ENTREP2: variants seen among roughly 807,000 people sequenced by gnomAD.
The protein encoded by ENTREP2 is protein ENTREP2.
the ENTREP2 span, among the ~76,000 whole-genome samples, chr15:29,311,686 TC>T: frequency 3.0e-4 from 45 of 148,764 alleles, no homozygotes; most frequent in Admixed American, 6.1e-4. Flanking sequence ...TGAGACTCCA[TC>T]CCCCCCCCAA....
chr15:29,152,867 T>C, the ENTREP2 span, among the ~76,000 whole-genome samples: 1 of 152,236 alleles, frequency 6.6e-6, no homozygotes, highest in South Asian at 2.1e-4. Flanking sequence ...ACTGAAAAAA[T>C]GCCTTCCAGA....
chr15:29,359,555 G>A, the ENTREP2 span, among the ~76,000 whole-genome samples: 1 of 152,166 alleles, frequency 6.6e-6, no homozygotes. Flanking sequence ...TGGGAATAGG[G>A]GCATGCACCA....
the ENTREP2 span, among the ~76,000 whole-genome samples, chr15:29,222,790 T>G: frequency 6.6e-6 from 1 of 152,318 alleles, no homozygotes; most frequent in South Asian, 2.1e-4. Flanking sequence ...AATTACTCTA[T>G]TTACAGACAA....
At chr15:29,605,764 G>A in the ENTREP2 span, among the ~76,000 whole-genome samples, 5 of 152,270 alleles carry the variant, frequency 3.3e-5, no homozygotes, top group Non-Finnish European at 5.9e-5. Context: ...TTGAACCTGG[G>A]AGGCAGAGGT....
At chr15:29,486,690 A>AAAAC in the ENTREP2 span, among the ~76,000 whole-genome samples, 2,037 of 152,290 alleles carry the variant, frequency 0.013, 48 homozygotes, top group African/African-American at 0.047. Flanking sequence ...ACTCTGCCTC[A>AAAAC]AAACAAACAA....
At chr15:29,624,907 GTA>G in the ENTREP2 span, among the ~76,000 whole-genome samples, 116 of 146,194 alleles carry the variant, frequency 7.9e-4, no homozygotes, top group Non-Finnish European at 1.5e-3. Context: ...GTGTGTGTGT[GTA>G]TAGTTTTATG....
chr15:29,407,601 G>T, the ENTREP2 span, among the ~76,000 whole-genome samples: 2 of 152,162 alleles, frequency 1.3e-5, no homozygotes, highest in Admixed American at 6.5e-5. Flanking sequence ...GCACAGCCAG[G>T]TAAGGAGGGA....
At chr15:29,375,550 C>T in the ENTREP2 span, 1 of 152,328 alleles carries the variant, frequency 6.6e-6, no homozygotes, top group African/African-American at 2.4e-5. Context: ...GAAACCTTCT[C>T]ACAACAGGAG....
the ENTREP2 span, among the ~76,000 whole-genome samples, chr15:29,601,992 G>C: frequency 3.9e-5 from 6 of 152,352 alleles, no homozygotes; most frequent in East Asian, 1.2e-3. Context: ...AGCCCCATTT[G>C]TGCTCCATGC....
chr15:29,392,412 G>A, the ENTREP2 span, among the ~76,000 whole-genome samples: 3 of 132,560 alleles, frequency 2.3e-5, no homozygotes, highest in African/African-American at 5.9e-5. Flanking sequence ...ATAAACTCCC[G>A]TTTTTGGTTT....
chr15:29,177,272 A>C, the ENTREP2 span, among the ~76,000 whole-genome samples: 2 of 152,180 alleles, frequency 1.3e-5, no homozygotes, highest in Non-Finnish European at 2.9e-5. Flanking sequence ...GCTGGCAAAA[A>C]AGCAACTGTA....
At chr15:29,234,068 C>T in the ENTREP2 span, 1 of 1,473,330 alleles carries the variant, frequency 6.8e-7, no homozygotes, top group Non-Finnish European at 9.5e-7. Context: ...TGCAACCTCA[C>T]TTGCTTCTTC....
the ENTREP2 span, among the ~76,000 whole-genome samples, chr15:29,649,727 C>CAAAAAAAAAAAAAA: frequency 4.5e-5 from 3 of 66,888 alleles, no homozygotes; most frequent in African/African-American, 1.5e-4. Flanking sequence ...TCAACAACAA[C>CAAAAAAAAAAAAAA]AAAAAAAAAA....
the ENTREP2 span, among the ~76,000 whole-genome samples, chr15:29,581,465 T>C: frequency 6.6e-6 from 1 of 152,164 alleles, no homozygotes; most frequent in Admixed American, 6.5e-5. Flanking sequence ...TAAATTTCCA[T>C]CTCATCCATA....
chr15:29,390,401 TA>T, the ENTREP2 span, among the ~76,000 whole-genome samples: 1 of 151,254 alleles, frequency 6.6e-6, no homozygotes, highest in Non-Finnish European at 1.5e-5. Flanking sequence ...TGGGGAAGAG[TA>T]ACATAGAATT....
At chr15:29,571,155 AG>A in the ENTREP2 span, among the ~76,000 whole-genome samples, 2 of 150,480 alleles carry the variant, frequency 1.3e-5, no homozygotes, top group South Asian at 4.2e-4. Context: ...GGGGCGGGGA[AG>A]GCGCAGGTGC....
At chr15:29,420,159 A>C in the ENTREP2 span, among the ~76,000 whole-genome samples, 1 of 152,184 alleles carries the variant, frequency 6.6e-6, no homozygotes, top group Admixed American at 6.5e-5. Context: ...CTCAATGGGC[A>C]CCTCTGGAAG....
At chr15:29,657,456 G>A in the ENTREP2 span, among the ~76,000 whole-genome samples, 3 of 135,250 alleles carry the variant, frequency 2.2e-5, no homozygotes, top group East Asian at 4.5e-4. Context: ...GTGGACCCCT[G>A]CGAGTTGCCG....
the ENTREP2 span, among the ~76,000 whole-genome samples, chr15:29,565,270 A>G: frequency 7.9e-5 from 12 of 152,194 alleles, no homozygotes; most frequent in African/African-American, 2.9e-4. Flanking sequence ...AGGGGCACAC[A>G]CTGTAGGCTT....
Sources: allele counts gnomAD v4.1 joint callset (sites outside exome capture counted in the v4.1 genomes callset), GRCh38; gene constraint gnomAD v4.1.1; transcripts MANE v1.5; gene names NCBI Gene and HGNC (gene_info 2026-07-23, HGNC 2026-07-21).